The following MACROD2 variants were observed in gnomAD, a reference collection of about 807,000 sequenced individuals.
MACROD2 encodes mono-ADP ribosylhydrolase 2, also known as ADP-ribose glycohydrolase MACROD2.
A neutral mutation model predicts 70.4 loss-of-function variants in MACROD2; 36 were observed. That is an observed-to-expected ratio of 0.51 (90% CI 0.39 to 0.68). The LOEUF (loss-of-function observed/expected upper bound fraction) is 0.68, where lower values mean the gene tolerates loss of function less well. MACROD2 is among the 30% of genes least tolerant of loss of function. MACROD2 has a pLI of 0.00. For synonymous variants in MACROD2, 172 were observed against 178.8 expected, an observed-to-expected ratio of 0.96 and a Z score of 0.30; for missense variants, 496 against 538.4, an observed-to-expected ratio of 0.92 and a Z score of 0.78.
chr20:14,834,045 TA>T (rs1266862228), intron 5 of MACROD2, among the ~76,000 whole-genome samples: 2 of 152,076 alleles, frequency 1.3e-5, no homozygotes, highest in Non-Finnish European at 2.9e-5. Context: ...CATCAAGCTG[TA>T]AAAATGTAGA....
chr20:15,997,335 T>C (rs1405320462), intron 15 of MACROD2, among the ~76,000 whole-genome samples: 1 of 152,154 alleles, frequency 6.6e-6, no homozygotes, highest in African/African-American at 2.4e-5. Context: ...GATTCATAAG[T>C]ATGGAATATC....
In MACROD2 at chr20:15,418,526, T is replaced by C. The variant is rs1251090763; in HGVS notation, c.541-12879T>C. Among the ~76,000 whole-genome samples the C allele has an allele frequency of 2.0e-5, 3 of 152,170 alleles. No individual in the cohort carries two copies. The East Asian group carries it at 5.8e-4, about 29-fold the overall frequency. On this transcript the variant is annotated intron_variant, in intron 6 of 17. Coordinates refer to ENST00000684519, the MANE Select transcript of MACROD2 (RefSeq NM_001351661.2). ...AACTATTTCTCTCTGAGACCGTCTG[T>C]GTTGCTTTGTGATTGGTTGGTTGGT...
chr20:15,999,210 A>T (rs2066675756), intron 15 of MACROD2, among the ~76,000 whole-genome samples: 1 of 151,976 alleles, frequency 6.6e-6, no homozygotes, highest in Non-Finnish European at 1.5e-5. Context: ...TTGTCTCAAG[A>T]TTCTTTCAAT....
intron 7 of MACROD2, among the ~76,000 whole-genome samples, chr20:15,490,791 T>A (rs1420647763): frequency 6.6e-6 from 1 of 152,126 alleles, no homozygotes; most frequent in Admixed American, 6.5e-5. Context: ...GTGTATCAAG[T>A]GAATGAGAAA....
chr20:14,423,126 T>C (rs2083893455), intron 3 of MACROD2, among the ~76,000 whole-genome samples: 1 of 152,138 alleles, frequency 6.6e-6, no homozygotes, highest in African/African-American at 2.4e-5. Flanking sequence ...TGTGTTTGCT[T>C]TGAGGGAGGG....
At chr20:14,838,741 G>C (rs1010220955) in intron 5 of MACROD2, among the ~76,000 whole-genome samples, 1 of 152,076 alleles carries the variant, frequency 6.6e-6, no homozygotes, top group Non-Finnish European at 1.5e-5. Context: ...TGAGCATTAA[G>C]TGGTTTGTAA....
intron 8 of MACROD2, among the ~76,000 whole-genome samples, chr20:15,579,513 A>G (rs1375631742): frequency 2.0e-5 from 3 of 152,180 alleles, no homozygotes; most frequent in Non-Finnish European, 4.4e-5. Context: ...CATATGGTGA[A>G]GCTTGCTGTT....
At chr20:14,506,543 C>G (rs1331240501) in intron 4 of MACROD2, among the ~76,000 whole-genome samples, 1 of 152,092 alleles carries the variant, frequency 6.6e-6, no homozygotes, top group East Asian at 1.9e-4. Flanking sequence ...AAAATCCAGG[C>G]AAAGATGTCA....
chr20:15,938,612 C>G (rs901539748), intron 12 of MACROD2, among the ~76,000 whole-genome samples: 1 of 152,056 alleles, frequency 6.6e-6, no homozygotes, highest in Admixed American at 6.6e-5. Flanking sequence ...TCTCGGGCCT[C>G]CCTATCCCTA....
At chr20:15,355,051 T>C (rs1054511185) in intron 6 of MACROD2, among the ~76,000 whole-genome samples, 1 of 152,232 alleles carries the variant, frequency 6.6e-6, no homozygotes, top group African/African-American at 2.4e-5. Context: ...TGAAGTTTCA[T>C]AGTTGGGACT....
At chr20:15,244,222 G>A (rs186692865) in intron 6 of MACROD2, among the ~76,000 whole-genome samples, 1 of 152,116 alleles carries the variant, frequency 6.6e-6, no homozygotes, top group Non-Finnish European at 1.5e-5. Context: ...CCATGTTGGG[G>A]CTATTTACAT....
chr20:14,302,940 C>T (rs780322347), intron 3 of MACROD2, among the ~76,000 whole-genome samples: 3 of 152,130 alleles, frequency 2.0e-5, no homozygotes, highest in Non-Finnish European at 2.9e-5. Context: ...GTGTGAGCCA[C>T]CGTGCCTGGC....
intron 6 of MACROD2, among the ~76,000 whole-genome samples, chr20:15,417,174 C>T (rs910383028): frequency 1.3e-5 from 2 of 152,008 alleles, no homozygotes; most frequent in African/African-American, 4.8e-5. Context: ...TTAGCTCATC[C>T]CAGGGAAGAG....
chr20:15,593,222 T>G (rs897099089), intron 8 of MACROD2, among the ~76,000 whole-genome samples: 2 of 152,222 alleles, frequency 1.3e-5, no homozygotes, highest in African/African-American at 4.8e-5. Context: ...CCTCATCTCA[T>G]GCTGTGACCC....
At chr20:14,519,981 C>T (rs1002784649) in intron 4 of MACROD2, among the ~76,000 whole-genome samples, 17 of 152,104 alleles carry the variant, frequency 1.1e-4, no homozygotes, top group African/African-American at 4.1e-4. Context: ...CCGAATACCA[C>T]ATGTTTTCAC....
chr20:14,556,627 A>C (rs751070561), intron 4 of MACROD2, among the ~76,000 whole-genome samples: 1 of 152,078 alleles, frequency 6.6e-6, no homozygotes, highest in African/African-American at 2.4e-5. Flanking sequence ...TGATCCCGTC[A>C]TTCCCATACA....
intron 5 of MACROD2, among the ~76,000 whole-genome samples, chr20:14,730,122 T>G (rs1175751303): frequency 6.6e-6 from 1 of 152,026 alleles, no homozygotes; most frequent in Non-Finnish European, 1.5e-5. Flanking sequence ...GGGAGCCAGA[T>G]GAAGAGATGT....
At chr20:14,218,493 T>G (rs1006154655) in intron 3 of MACROD2, among the ~76,000 whole-genome samples, 11 of 152,244 alleles carry the variant, frequency 7.2e-5, no homozygotes, top group African/African-American at 2.7e-4. Context: ...GTGGAGCATT[T>G]AGGCCATTTA....
In MACROD2 at chr20:15,532,813, T is replaced by C. The variant is rs376702734; in HGVS notation, c.645+32966T>C. Among the ~76,000 whole-genome samples the C allele has an allele frequency of 7.2e-5, 11 of 152,140 alleles. No individual in the cohort carries two copies. The East Asian group carries it at 1.6e-3, about 21-fold the overall frequency. On this transcript the variant is annotated intron_variant, in intron 8 of 17. Coordinates refer to ENST00000684519, the MANE Select transcript of MACROD2 (RefSeq NM_001351661.2). ...CCTGGTGTTGTCCTTATGAGCTCTC[T>C]GGCATGAGCAAGTATCTTAGTCTCC...
Sources: gnomAD v4.1 joint callset for allele counts (sites outside exome capture counted in the v4.1 genomes callset) on GRCh38, gnomAD v4.1.1 for gene constraint, MANE v1.5 for transcripts, NCBI Gene and HGNC (gene_info 2026-07-23, HGNC 2026-07-21) for gene names.